NIN: variants seen among roughly 807,000 people sequenced by gnomAD.
The protein encoded by NIN is glycogen synthase kinase 3 beta-interacting protein.
A neutral mutation model predicts 257.6 loss-of-function variants in NIN; 137 were observed. The ratio of observed to expected loss-of-function variants is 0.53; its 90% confidence interval spans 0.46 to 0.61. The LOEUF is 0.61. NIN is among the 20% of genes least tolerant of loss of function. The pLI, the probability that NIN is intolerant of heterozygous loss-of-function variation, is 0.00. For missense variants in NIN, 2,439 were observed against 2,501.2 expected (o/e 0.98, Z 0.53); for synonymous variants, 918 against 919.8 (o/e 1.00, Z 0.04).
At chr14:50,784,885 C>A (rs1885441) in intron 5 of NIN, among the ~76,000 whole-genome samples, 1 of 152,078 alleles carries the variant, frequency 6.6e-6, no homozygotes, top group Non-Finnish European at 1.5e-5. Flanking sequence ...AGCCACGGCT[C>A]GCAGAGGCTG....
At chr14:50,772,123 T>C in intron 9 of NIN, 178 bp downstream of exon 9, 1 of 545,960 alleles carries the variant, frequency 1.8e-6, no homozygotes, top group Non-Finnish European at 3.2e-6. Context: ...CGGAAAGTAC[T>C]TAACAAAAGG....
In NIN at chr14:50,776,955, A is replaced by G. The variant is rs201057197; in HGVS notation, c.660T>C (p.Asp220=). The G allele has an allele frequency of 8.1e-6, 13 of 1,611,412 alleles. No individual in the cohort carries two copies. Among genetic ancestry groups the G allele is most frequent in the Middle Eastern group, 3.3e-4 (2 of 6,074 alleles). The change falls in exon 7 of 31, where the codon GAT becomes GAC. Residue 220 remains aspartate (D), a synonymous_variant. Transcript: ENST00000530997. ...ATTATACTGCGAGGCTTACCTCTCC[A>G]TCCACATTCTGTAAACCATACTGCT... ...ICEQYGLQNV[D]GEMLEEVFHN... is the part of the protein sequence containing the mutation.
intron 4 of NIN, among the ~76,000 whole-genome samples, chr14:50,794,027 G>A (rs76198208): frequency 0.035 from 5,380 of 152,212 alleles, 104 homozygotes; most frequent in Non-Finnish European, 0.046. Context: ...ACTTTTAAAT[G>A]AGATTATGTA....
intron 13 of NIN, 111 bp from the exon 14 acceptor site, chr14:50,766,507 A>C (rs1436584148): frequency 1.1e-6 from 1 of 941,784 alleles, no homozygotes; most frequent in East Asian, 2.5e-5. Context: ...TATGATAGGA[A>C]TGTGACATGT....
chr14:50,772,810 G>T (rs556665804), intron 8 of NIN, 139 bp downstream of exon 8: 3 of 743,446 alleles, frequency 4.0e-6, no homozygotes, highest in East Asian at 5.4e-5. Context: ...CTTCCTAATG[G>T]TTAAGTCTTT....
intron 27 of NIN, among the ~76,000 whole-genome samples, chr14:50,737,000 G>C (rs552657038): frequency 1.3e-5 from 2 of 152,268 alleles, no homozygotes; most frequent in East Asian, 1.9e-4. Flanking sequence ...GTGTGACCAG[G>C]GGGTAGCCAG....
At chr14:50,762,811 T>TTG (rs2042323811) in intron 15 of NIN, among the ~76,000 whole-genome samples, 1 of 152,216 alleles carries the variant, frequency 6.6e-6, no homozygotes, top group African/African-American at 2.4e-5. Flanking sequence ...GGTATATGTC[T>TTG]AGCAGCTGCA....
At chr14:50,806,154 T>C (rs954564015) in intron 4 of NIN, 11 of 152,172 alleles carry the variant, frequency 7.2e-5, no homozygotes, top group Admixed American at 2.0e-4. Flanking sequence ...TAGAAAAAAA[T>C]CAGTGAAGTA....
At chr14:50,759,190 A>G (rs1407444412) in intron 17 of NIN, among the ~76,000 whole-genome samples, 2 of 152,182 alleles carry the variant, frequency 1.3e-5, no homozygotes, top group South Asian at 4.1e-4. Context: ...CTGGGAGGAA[A>G]TGTAACCTTG....
At chr14:50,783,349 C>G (rs546816589) in intron 5 of NIN, among the ~76,000 whole-genome samples, 3 of 152,100 alleles carry the variant, frequency 2.0e-5, no homozygotes, top group Non-Finnish European at 4.4e-5. Context: ...AGCCACTGCA[C>G]CCAGCCAGTT....
intron 25 of NIN, among the ~76,000 whole-genome samples, chr14:50,740,824 A>G (rs1036692535): frequency 6.6e-6 from 1 of 152,216 alleles, no homozygotes; most frequent in Non-Finnish European, 1.5e-5. Flanking sequence ...CCAAGAGATA[A>G]CTGAATGTGT....
chr14:50,807,887 A>G (rs2044401095), intron 3 of NIN, among the ~76,000 whole-genome samples: 1 of 152,214 alleles, frequency 6.6e-6, no homozygotes, highest in Non-Finnish European at 1.5e-5. Context: ...GCAATTTACC[A>G]CACTCTTCCA....
chr14:50,797,818 TGGGTGGGGAAACAG>T (rs1197556451), intron 4 of NIN, among the ~76,000 whole-genome samples: 1 of 143,554 alleles, frequency 7.0e-6, no homozygotes, highest in African/African-American at 2.6e-5. Context: ...GGGAAAGAAG[TGGGTGGGGAAACAG>T]GAGATAATAG....
chr14:50,795,095 G>A (rs1001418429), intron 4 of NIN, among the ~76,000 whole-genome samples: 26 of 152,154 alleles, frequency 1.7e-4, no homozygotes, highest in African/African-American at 5.1e-4. Context: ...TTCATAGAAC[G>A]TACGAACATG....
chr14:50,798,034 G>A (rs1229041400), intron 4 of NIN, among the ~76,000 whole-genome samples: 1 of 152,062 alleles, frequency 6.6e-6, no homozygotes, highest in Non-Finnish European at 1.5e-5. Context: ...GCCAAGAAAG[G>A]TTAAACATTA....
chr14:50,722,103 C>A lies in NIN; in HGVS notation c.*1360G>T, dbSNP rs980647294. 3 of 227,924 alleles carry A rather than the reference C, an allele frequency of 1.3e-5. No homozygotes were observed. Among genetic ancestry groups the A allele is most frequent in the African/African-American group, 6.7e-5 (3 of 44,680 alleles). 14.1% of individuals were successfully genotyped at this position (227,924 alleles called of 1,614,324 possible). ...TGTGATGAACTTGGAAAGTGCCCTG[C>A]ACCTAGTAAGTCTTCCACCAACTGC... is the stretch of plus-strand genomic sequence containing the variant. On this transcript the variant is annotated 3_prime_UTR_variant, in exon 31 of 31. Transcript: ENST00000530997.
At position 50,770,868 on chromosome 14, in the gene NIN, T is replaced by G; in HGVS notation, c.1243A>C (p.Asn415His). 1 of 1,613,750 alleles carries G rather than the reference T, an allele frequency of 6.2e-7. No individual in the cohort carries two copies. The highest frequency in any genetic ancestry group is 8.5e-7 in the Non-Finnish European group (1 of 1,179,902). The change falls in exon 11 of 31, where the codon AAT (asparagine) becomes CAT (histidine). Residue 415 changes from asparagine (N) to histidine (H), a missense_variant. Physicochemically the swap from Asn to His is moderately conservative, Grantham distance 68. Coordinates refer to ENST00000530997, the MANE Select transcript of NIN (RefSeq NM_020921.4). ...TGGCCTCACCTGAGGTTGTACTCAT[T>G]CCGCCGCTCTATGGCCGCATGGTGA... ...DDHHAAIERRNEYNLRKLDEE... is the reference protein window; with the variant it reads ...DDHHAAIERRHEYNLRKLDEE...
At chr14:50,800,834 G>A (rs2044067458) in intron 4 of NIN, among the ~76,000 whole-genome samples, 1 of 150,846 alleles carries the variant, frequency 6.6e-6, no homozygotes, top group African/African-American at 2.4e-5. Context: ...CCAAGCTGGA[G>A]TGCAATGGTG....
At chr14:50,819,202 T>C (rs564369195) in intron 3 of NIN, among the ~76,000 whole-genome samples, 28 of 152,216 alleles carry the variant, frequency 1.8e-4, no homozygotes, top group Non-Finnish European at 3.5e-4. Flanking sequence ...AGGAAGTTGA[T>C]GGATACTAAT....
Sources: allele counts gnomAD v4.1 joint callset (sites outside exome capture counted in the v4.1 genomes callset), GRCh38; gene constraint gnomAD v4.1.1; transcripts MANE v1.5; gene names NCBI Gene and HGNC (gene_info 2026-07-23, HGNC 2026-07-21).